ZNF221: variants seen among roughly 807,000 people sequenced by gnomAD.
ZNF221 encodes the protein zinc finger protein 221.
In ZNF221, 10 loss-of-function variants were observed where a neutral mutation model predicts 12.6. The ratio of observed to expected loss-of-function variants is 0.79; its 90% confidence interval spans 0.49 to 1.34. The LOEUF (loss-of-function observed/expected upper bound fraction) is 1.34, where lower values mean the gene tolerates loss of function less well. Ranked by LOEUF, ZNF221 falls within the 40% of genes most tolerant of loss-of-function variation. ZNF221 has a pLI of 0.00. For synonymous variants in ZNF221, 232 were observed against 244.0 expected (o/e 0.95, Z 0.46); for missense variants, 661 against 721.4 (o/e 0.92, Z 0.96).
chr19:43,952,499 T>C (rs1974690717), intron 1 of ZNF221, among the ~76,000 whole-genome samples: 1 of 152,214 alleles, frequency 6.6e-6, no homozygotes, highest in Non-Finnish European at 1.5e-5. Flanking sequence ...TACAAAGAAA[T>C]TCACGTACAC....
chr19:43,972,440 C>CA (rs370648594), downstream of ZNF221, among the ~76,000 whole-genome samples: 48 of 151,828 alleles, frequency 3.2e-4, no homozygotes, highest in African/African-American at 1.1e-3. Flanking sequence ...GACAGAGACA[C>CA]AAAAAATCTT....
the ZNF221 span, among the ~76,000 whole-genome samples, chr19:43,972,747 G>A: frequency 1.1e-5 from 1 of 94,058 alleles, no homozygotes; most frequent in Admixed American, 1.8e-4. Context: ...CTGAAATTGA[G>A]GCAGTAATAG....
chr19:43,954,893 A>T (rs1974731061), intron 1 of ZNF221, among the ~76,000 whole-genome samples: 1 of 152,084 alleles, frequency 6.6e-6, no homozygotes, highest in Non-Finnish European at 1.5e-5. Flanking sequence ...ATCAACCAGA[A>T]AAATAGAGAA....
intron 1 of ZNF221, among the ~76,000 whole-genome samples, chr19:43,957,905 C>T (rs186054017): frequency 1.3e-5 from 2 of 152,284 alleles, no homozygotes; most frequent in East Asian, 3.9e-4. Context: ...ACAGATCTAG[C>T]AGTCAGCTAA....
downstream of ZNF221, among the ~76,000 whole-genome samples, chr19:43,968,728 A>C (rs1402024580): frequency 1.3e-5 from 2 of 152,210 alleles, no homozygotes; most frequent in African/African-American, 4.8e-5. Context: ...CAACCCACAG[A>C]AAATGAAGAA....
the ZNF221 span, among the ~76,000 whole-genome samples, chr19:43,975,030 A>T: frequency 6.6e-6 from 1 of 152,134 alleles, no homozygotes; most frequent in Non-Finnish European, 1.5e-5. Flanking sequence ...TCAAAAAAAA[A>T]AAAAGTCAAA....
At chr19:43,960,791 G>A (rs1319211324) in intron 1 of ZNF221, among the ~76,000 whole-genome samples, 2 of 152,230 alleles carry the variant, frequency 1.3e-5, no homozygotes, top group African/African-American at 4.8e-5. Flanking sequence ...TGCTCAGAAT[G>A]CAAGCATGAA....
intron 1 of ZNF221, among the ~76,000 whole-genome samples, chr19:43,961,153 T>A (rs902333045): frequency 6.6e-6 from 1 of 152,216 alleles, no homozygotes; most frequent in Non-Finnish European, 1.5e-5. Flanking sequence ...CAATCCTAAC[T>A]TGCTGCAGCC....
At chr19:43,962,385 C>T (rs2147339956) in intron 1 of ZNF221, among the ~76,000 whole-genome samples, 1 of 152,230 alleles carries the variant, frequency 6.6e-6, no homozygotes, top group African/African-American at 2.4e-5. Flanking sequence ...TATACATTTG[C>T]TTATTCTGGA....
intron 1 of ZNF221, among the ~76,000 whole-genome samples, chr19:43,960,994 G>T (rs1251112984): frequency 1.3e-5 from 2 of 152,182 alleles, no homozygotes; most frequent in Non-Finnish European, 2.9e-5. Flanking sequence ...GGGGACCACT[G>T]CCCTCTGAGA....
At chr19:43,951,968 G>A (rs1240216003) in intron 1 of ZNF221, among the ~76,000 whole-genome samples, 3 of 140,658 alleles carry the variant, frequency 2.1e-5, no homozygotes, top group African/African-American at 7.9e-5. Context: ...CCGCCTCCCG[G>A]GTTCACGCCA....
At chr19:43,979,483 G>A in the ZNF221 span, among the ~76,000 whole-genome samples, 3 of 151,158 alleles carry the variant, frequency 2.0e-5, no homozygotes, top group African/African-American at 7.3e-5. Context: ...TAATCAGTTG[G>A]CTTTGAGTAG....
At chr19:43,971,302 C>T (rs575320350), downstream of ZNF221, among the ~76,000 whole-genome samples, 77 of 152,274 alleles carry the variant, frequency 5.1e-4, 1 homozygote, top group South Asian at 0.016. Context: ...ACTACAAAAA[C>T]ACACTGAAGT....
At chr19:43,972,380 C>T, downstream of ZNF221, among the ~76,000 whole-genome samples, 1 of 151,792 alleles carries the variant, frequency 6.6e-6, no homozygotes. Context: ...CAAAAACAAA[C>T]CCCAAAGCTA....
rs1394887671 is a variant in ZNF221, at chr19:43,967,323, A to G, written c.1821A>G (p.Thr607=). 2 of 1,613,578 alleles carry G rather than the reference A, an allele frequency of 1.2e-6. No homozygotes were observed. Among genetic ancestry groups the G allele is most frequent in the African/African-American group, 1.3e-5 (1 of 74,964 alleles). Residue 607 remains threonine (T), a synonymous_variant, in exon 5 of 5, where the codon ACA becomes ACG. Coordinates refer to ENST00000587682, the MANE Select transcript of ZNF221 (RefSeq NM_001297588.2). ...EIYSEFTASF[T]SVSLCGRKAI is the part of the protein sequence containing the mutation. ...ACTCAGAATTCACAGCTTCATTTAC[A>G]TCAGTAAGTCTATGTGGGAGAAAAG...
chr19:43,965,441 G>T (rs1348215161), intron 4 of ZNF221, 116 bp downstream of exon 4: 3 of 803,406 alleles, frequency 3.7e-6, no homozygotes, highest in Non-Finnish European at 5.7e-6. Flanking sequence ...ATAACTTATT[G>T]CAACTGCCTT....
At chr19:43,974,727 A>C in the ZNF221 span, among the ~76,000 whole-genome samples, 1 of 57,574 alleles carries the variant, frequency 1.7e-5, no homozygotes, top group African/African-American at 3.8e-5. Context: ...ATAAAAAAGT[A>C]AAAAAGAAGC....
At chr19:43,965,175 T>C (rs113177719) in intron 3 of ZNF221, 58 bp from the exon 4 acceptor site, 2 of 1,592,806 alleles carry the variant, frequency 1.3e-6, no homozygotes, top group African/African-American at 1.3e-5. Context: ...TCCAGTAAAT[T>C]TTCCCTAGAT....
At chr19:43,970,253 C>A (rs1294802854), downstream of ZNF221, among the ~76,000 whole-genome samples, 1 of 152,110 alleles carries the variant, frequency 6.6e-6, no homozygotes, top group African/African-American at 2.4e-5. Flanking sequence ...CCCACAAAAA[C>A]CCCATTCAAG....
Sources: gnomAD v4.1 joint callset for allele counts (sites outside exome capture counted in the v4.1 genomes callset) on GRCh38, gnomAD v4.1.1 for gene constraint, MANE v1.5 for transcripts, NCBI Gene and HGNC (gene_info 2026-07-23, HGNC 2026-07-21) for gene names.